MMP8: variants seen among roughly 807,000 people sequenced by gnomAD.
The protein encoded by MMP8 is neutrophil collagenase.
MMP8 carries 67 observed loss-of-function variants against 51.2 expected under a neutral mutation model. The observed-to-expected ratio is 1.31, with a 90% CI of 1.08 to 1.60. The LOEUF (loss-of-function observed/expected upper bound fraction) is 1.60. MMP8 is among the 40% of genes most tolerant of loss of function. The pLI is 0.00. For missense variants in MMP8, 654 were observed against 558.1 expected (o/e 1.17, Z -1.73); for synonymous variants, 225 against 191.0 (o/e 1.18, Z -1.47).
rs936095531 is a variant in MMP8 at position 102,713,242 on chromosome 11, T to C, written c.*106A>G. 9 of 734,184 alleles carry C rather than the reference T, an allele frequency of 1.2e-5. No individual in the cohort carries two copies. The East Asian group carries it at 2.3e-4, about 19-fold the overall frequency. The allele number at this position is 734,184 out of a possible 1,614,324, so 45.5% of individuals were successfully genotyped here. Reference sequence around the variant, plus strand: ...GAATGGATACAGTGATGGGAAACAATGACTTAATATTGAGAAAAGTATAAG... The same window carrying C: ...GAATGGATACAGTGATGGGAAACAACGACTTAATATTGAGAAAAGTATAAG... On this transcript the variant is annotated 3_prime_UTR_variant, in exon 10 of 10. Coordinates refer to ENST00000236826, the MANE Select transcript of MMP8 (RefSeq NM_002424.3).
At position 102,715,449 on chromosome 11, in the gene MMP8, T is replaced by C. The variant is rs747847355; in HGVS notation, c.903-12A>G. Reference sequence around the variant, plus strand: ...TTCTCCAGAAGTACCTAACGGAACATAAGGAAACACACACACACACTTATA... The same window carrying C: ...TTCTCCAGAAGTACCTAACGGAACACAAGGAAACACACACACACACTTATA... On this transcript the variant is annotated splice_polypyrimidine_tract_variant and intron_variant, in intron 6 of 9. Coordinates refer to ENST00000236826, the MANE Select transcript of MMP8 (RefSeq NM_002424.3). The C allele has an allele frequency of 2.2e-5, 35 of 1,608,538 alleles. No individual in the cohort carries two copies. The highest frequency in any genetic ancestry group is 3.3e-5 in the South Asian group (3 of 90,226).
chr11:102,722,684 A>C lies in MMP8; in HGVS notation c.103-11T>G, dbSNP rs1205839240. The C allele has an allele frequency of 1.2e-6, 2 of 1,613,066 alleles. No individual in the cohort carries two copies. The highest frequency in any genetic ancestry group is 2.7e-5 in the African/African-American group (2 of 74,884). On this transcript the variant is annotated splice_polypyrimidine_tract_variant and intron_variant, in intron 1 of 9. Coordinates refer to ENST00000236826, the MANE Select transcript of MMP8 (RefSeq NM_002424.3). ...CTTTTCCAGGTAGTCCTGGACAAAG[A>C]CAAGCACATAGGGGTCTTGCTGTGA...
Position 102,715,373 on chromosome 11 carries a change from G to A in MMP8, c.967C>T (p.Pro323Ser). The change falls in exon 7 of 10, where the codon CCA becomes TCA. Residue 323 changes from proline to serine, a missense_variant. Coordinates refer to ENST00000236826, the MANE Select transcript of MMP8 (RefSeq NM_002424.3). Reference protein sequence around the residue: ...VEMNFISLFWPSLPTGIQAAY... With the variant: ...VEMNFISLFWSSLPTGIQAAY... Reference sequence around the variant, plus strand: ...GCCTGTATACCAGTTGGAAGGGATGGCCAGAATAGAGAAATAAAATTCATT... The same window carrying A: ...GCCTGTATACCAGTTGGAAGGGATGACCAGAATAGAGAAATAAAATTCATT... 3 of 1,613,684 alleles carry A rather than the reference G, an allele frequency of 1.9e-6. No individual in the cohort carries two copies. Among genetic ancestry groups the A allele is most frequent in the African/African-American group, 2.7e-5 (2 of 75,002 alleles).
intron 7 of MMP8, 84 bp from the exon 8 acceptor site, chr11:102,714,793 T>C (rs1224048603): frequency 4.1e-6 from 1 of 241,774 alleles, no homozygotes; most frequent in Non-Finnish European, 7.4e-6. Flanking sequence ...TATATATATA[T>C]ATATATATAT....
At chr11:102,720,802 AAT>A (rs1392455923) in intron 4 of MMP8, among the ~76,000 whole-genome samples, 1 of 152,202 alleles carries the variant, frequency 6.6e-6, no homozygotes, top group African/African-American at 2.4e-5. Context: ...ACTAATTTCT[AAT>A]TATAGAAATT....
chr11:102,717,500 TTC>T (rs1861332749), intron 5 of MMP8, among the ~76,000 whole-genome samples: 1 of 152,224 alleles, frequency 6.6e-6, no homozygotes, highest in Non-Finnish European at 1.5e-5. Flanking sequence ...ATATATCTCA[TTC>T]TGTTTCTTTT....
At chr11:102,718,960 C>T (rs564471901) in intron 4 of MMP8, among the ~76,000 whole-genome samples, 42 of 152,292 alleles carry the variant, frequency 2.8e-4, no homozygotes, top group African/African-American at 8.7e-4. Flanking sequence ...CTCAGCCTCA[C>T]GAGTAGAGTC....
At chr11:102,719,669 G>A (rs1357470609) in intron 4 of MMP8, among the ~76,000 whole-genome samples, 3 of 152,150 alleles carry the variant, frequency 2.0e-5, no homozygotes, top group African/African-American at 7.2e-5. Flanking sequence ...TCTAAGAATT[G>A]TTTCTTATCA....
intron 6 of MMP8, 97 bp from the exon 7 acceptor site, chr11:102,715,534 T>C: frequency 4.1e-6 from 6 of 1,458,398 alleles, no homozygotes; most frequent in Middle Eastern, 4.1e-4. Context: ...CCTTGTAGGA[T>C]TGCTGGGAGA....
At chr11:102,724,353 G>C (rs1861558073) in intron 1 of MMP8, among the ~76,000 whole-genome samples, 1 of 152,064 alleles carries the variant, frequency 6.6e-6, no homozygotes, top group Non-Finnish European at 1.5e-5. Context: ...TTCTATATCT[G>C]GAATTTTTGG....
intron 9 of MMP8, 134 bp from the exon 10 acceptor site, chr11:102,713,591 T>TG: frequency 1.0e-6 from 1 of 994,978 alleles, no homozygotes; most frequent in African/African-American, 1.6e-5. Context: ...AAACACCAGG[T>TG]GCGGTGGCTA....
rs1479989981 is a variant in MMP8, at chr11:102,711,979, T to A, written c.*1369A>T. The A allele has an allele frequency of 1.3e-5, 2 of 152,196 alleles. No homozygotes were observed. Among genetic ancestry groups the A allele is most frequent in the African/African-American group, 4.8e-5 (2 of 41,464 alleles). 9.4% of individuals were successfully genotyped at this position (152,196 alleles called of 1,614,324 possible). ...ATATTTATTGTATAATAAGCTATAT[T>A]ATATTCTAATAACAGCAAATATAAC... On this transcript the variant is annotated 3_prime_UTR_variant, in exon 10 of 10. Coordinates refer to ENST00000236826, the MANE Select transcript of MMP8 (RefSeq NM_002424.3).
chr11:102,722,925 C>A, intron 1 of MMP8: 1 of 1,161,442 alleles, frequency 8.6e-7, no homozygotes, highest in Non-Finnish European at 1.2e-6. Context: ...TCACATCACA[C>A]AGGCAAAGTG....
intron 9 of MMP8, 102 bp from the exon 10 acceptor site, chr11:102,713,559 A>T: frequency 9.0e-7 from 1 of 1,109,292 alleles, no homozygotes; most frequent in Admixed American, 2.2e-5. Context: ...ATTCAAATGC[A>T]AACATGCTAT....
intron 1 of MMP8, chr11:102,723,571 C>T: frequency 2.2e-6 from 1 of 449,130 alleles, no homozygotes; most frequent in Non-Finnish European, 4.5e-6. Flanking sequence ...GGCAGAGAAA[C>T]AAAAGGGGAG....
At position 102,717,988 on chromosome 11, in the gene MMP8, T is replaced by C. The variant is rs187758939; in HGVS notation, c.784+426A>G. Among the ~76,000 whole-genome samples the C allele has an allele frequency of 4.0e-3, 609 of 152,176 alleles. 5 individuals carry two copies. Among genetic ancestry groups the C allele is most frequent in the African/African-American group, 0.014 (571 of 41,506 alleles). The stretch of plus-strand genomic sequence containing the variant: ...CAAGTGTGGTGGTGGGCATCTGTAA[T>C]CTCAGCTACTTGAGAGGCTGAGGCA... On this transcript the variant is annotated intron_variant, in intron 5 of 9. Transcript: ENST00000236826.
chr11:102,716,710 C>A (rs751815047), intron 5 of MMP8, among the ~76,000 whole-genome samples: 12 of 152,076 alleles, frequency 7.9e-5, no homozygotes, highest in Non-Finnish European at 1.6e-4. Flanking sequence ...TAAACTAATT[C>A]TTCTCTGACT....
rs751025257 is a variant in MMP8 at position 102,724,873 on chromosome 11, C to G, written c.-18G>C. On this transcript the variant is annotated 5_prime_UTR_variant, in exon 1 of 10. Coordinates refer to ENST00000236826, the MANE Select transcript of MMP8 (RefSeq NM_002424.3). The stretch of plus-strand genomic sequence containing the variant: ...GAGAACATGATCTTCTCTTCAAACT[C>G]TACCCCTCCTGGCTTTCTTTCTGTC... The G allele has an allele frequency of 3.7e-6, 6 of 1,601,330 alleles. No individual in the cohort carries two copies. Among genetic ancestry groups the G allele is most frequent in the Non-Finnish European group, 5.1e-6 (6 of 1,172,758 alleles).
At position 102,724,747 on chromosome 11, in the gene MMP8, C is replaced by A; in HGVS notation, c.102+7G>T. ...ATCAAACATCACCTAACTGATAGTT[C>A]ATTTACCTGAACAGTTTTTGTATTT... On this transcript the variant is annotated splice_region_variant and intron_variant, in intron 1 of 9. Coordinates refer to ENST00000236826, the MANE Select transcript of MMP8 (RefSeq NM_002424.3). 1 of 1,585,558 alleles carries A rather than the reference C, an allele frequency of 6.3e-7. No homozygotes were observed. Among genetic ancestry groups the A allele is most frequent in the Non-Finnish European group, 8.6e-7 (1 of 1,162,660 alleles).
Sources: gnomAD v4.1 joint callset for allele counts (sites outside exome capture counted in the v4.1 genomes callset) on GRCh38, gnomAD v4.1.1 for gene constraint, MANE v1.5 for transcripts, NCBI Gene and HGNC (gene_info 2026-07-23, HGNC 2026-07-21) for gene names.